Variants in IL1RAPL1 observed in about 807,000 individuals in gnomAD.
IL1RAPL1 encodes the protein interleukin 1 receptor accessory protein like 1.
In IL1RAPL1, 3 loss-of-function variants were observed where a neutral mutation model predicts 48.4. The ratio of observed to expected loss-of-function variants is 0.06; its 90% CI spans 0.03 to 0.16. The LOEUF is 0.16. Among genes scored for constraint, IL1RAPL1 ranks in the 10% least tolerant of loss-of-function variants. The pLI is 1.00. For missense variants in IL1RAPL1, 349 were observed against 530.6 expected (o/e 0.66, Z 3.36); for synonymous variants, 185 against 187.7 (o/e 0.99, Z 0.12).
chrX:29,272,775 G>A (rs1005303785), intron 2 of IL1RAPL1, among the ~76,000 whole-genome samples: 1 of 111,901 alleles, frequency 8.9e-6, no homozygotes, highest in African/African-American at 3.3e-5. Context: ...GGGGATGCCA[G>A]TGAGTCATAG....
chrX:29,917,681 T>C, intron 7 of IL1RAPL1, 85 bp downstream of exon 7: 1 of 789,385 alleles, frequency 1.3e-6, no homozygotes, highest in Non-Finnish European at 1.9e-6. Context: ...AGGATTTTTT[T>C]TTGTTTTACT....
At chrX:29,632,279 G>C (rs936903965) in intron 5 of IL1RAPL1, among the ~76,000 whole-genome samples, 1 of 109,296 alleles carries the variant, frequency 9.1e-6, no homozygotes, top group African/African-American at 3.3e-5. Context: ...CTCCTGAGTA[G>C]CTGGGACTAC....
At chrX:28,800,426 T>C (rs1363565060) in intron 2 of IL1RAPL1, among the ~76,000 whole-genome samples, 1 of 111,589 alleles carries the variant, frequency 9.0e-6, no homozygotes, top group East Asian at 2.8e-4. Context: ...ATTGTCCTCA[T>C]ATTGAGAGCA....
intron 2 of IL1RAPL1, among the ~76,000 whole-genome samples, chrX:29,167,031 T>C (rs1449369902): frequency 8.9e-6 from 1 of 112,053 alleles, no homozygotes; most frequent in African/African-American, 3.2e-5. Flanking sequence ...GCAATAATCA[T>C]AGATATAATG....
At chrX:29,223,276 CAT>C (rs1931017288) in intron 2 of IL1RAPL1, among the ~76,000 whole-genome samples, 1 of 111,748 alleles carries the variant, frequency 8.9e-6, no homozygotes, top group Admixed American at 9.5e-5. Context: ...CACACATACA[CAT>C]ATGTGTGTCT....
chrX:28,830,745 A>G (rs1030437143), intron 2 of IL1RAPL1, among the ~76,000 whole-genome samples: 2 of 110,392 alleles, frequency 1.8e-5, no homozygotes, highest in African/African-American at 6.6e-5. Flanking sequence ...TTTGTTCAAC[A>G]TGGGACACTT....
At chrX:29,302,520 C>T (rs747275701) in intron 3 of IL1RAPL1, among the ~76,000 whole-genome samples, 2 of 111,786 alleles carry the variant, frequency 1.8e-5, no homozygotes, top group East Asian at 5.6e-4. Flanking sequence ...TATATGGCTA[C>T]AGTCATTATA....
Position 29,457,899 on chromosome X carries a change from G to A in IL1RAPL1, c.703+58591G>A, listed in dbSNP as rs780671417. ...TCAAATAGCTGTTCTGACTTGTGTGGATCATATCTTATTGTGGTTTTGATT... is the reference window on the plus strand; with the variant it reads ...TCAAATAGCTGTTCTGACTTGTGTGAATCATATCTTATTGTGGTTTTGATT... On this transcript the variant is annotated intron_variant, in intron 5 of 10. Transcript: ENST00000378993. Among the ~76,000 whole-genome samples, 231 of 111,934 alleles carry A rather than the reference G, an allele frequency of 2.1e-3. 2 individuals carry two copies. Among genetic ancestry groups the A allele is most frequent in the African/African-American group, 7.1e-3 (219 of 30,820 alleles).
At chrX:29,673,551 C>G (rs150296633) in intron 6 of IL1RAPL1, among the ~76,000 whole-genome samples, 17,109 of 111,149 alleles carry the variant, frequency 0.15, 1,472 homozygotes, top group African/African-American at 0.32. Flanking sequence ...CTTTCTACTA[C>G]GAGAAAAACA....
intron 5 of IL1RAPL1, among the ~76,000 whole-genome samples, chrX:29,630,153 C>T (rs750783067): frequency 3.6e-5 from 4 of 111,151 alleles, no homozygotes; most frequent in Non-Finnish European, 5.7e-5. Context: ...CATAGACAGC[C>T]CTCCCTCACA....
intron 5 of IL1RAPL1, among the ~76,000 whole-genome samples, chrX:29,510,077 T>C (rs1381405113): frequency 8.9e-6 from 1 of 112,280 alleles, no homozygotes; most frequent in African/African-American, 3.2e-5. Context: ...TGCATTTAAT[T>C]TGTTGGATTT....
chrX:29,003,084 G>A (rs1017168711), intron 2 of IL1RAPL1, among the ~76,000 whole-genome samples: 2 of 111,274 alleles, frequency 1.8e-5, no homozygotes, highest in African/African-American at 6.5e-5. Context: ...AGGGGGGACA[G>A]GGTAGGTGTT....
intron 2 of IL1RAPL1, among the ~76,000 whole-genome samples, chrX:29,278,261 A>G (rs1039971617): frequency 3.6e-5 from 4 of 112,272 alleles, no homozygotes; most frequent in Non-Finnish European, 7.5e-5. Flanking sequence ...ATTTGAATAT[A>G]TTGATAATAG....
intron 5 of IL1RAPL1, among the ~76,000 whole-genome samples, chrX:29,598,105 G>A (rs1386456410): frequency 9.0e-6 from 1 of 111,663 alleles, no homozygotes; most frequent in Non-Finnish European, 1.9e-5. Context: ...AGTTCCTTGA[G>A]GTGTGACCTT....
At chrX:28,590,528 T>C (rs1933897008) in intron 1 of IL1RAPL1, among the ~76,000 whole-genome samples, 1 of 111,036 alleles carries the variant, frequency 9.0e-6, no homozygotes, top group Non-Finnish European at 1.9e-5. Context: ...TGCACAAACA[T>C]TGATGTATTG....
intron 1 of IL1RAPL1, among the ~76,000 whole-genome samples, chrX:28,652,791 AT>A (rs58460550): frequency 0.11 from 11,233 of 102,587 alleles, 624 homozygotes; most frequent in African/African-American, 0.22. Context: ...CTGTGACGTG[AT>A]TTTTTTTTTT....
chrX:28,701,728 C>T (rs1233203976), intron 1 of IL1RAPL1, among the ~76,000 whole-genome samples: 3 of 111,357 alleles, frequency 2.7e-5, no homozygotes, highest in Admixed American at 9.6e-5. Flanking sequence ...TTCCTCCTTA[C>T]GGCTTTATCT....
intron 2 of IL1RAPL1, among the ~76,000 whole-genome samples, chrX:28,972,575 A>G (rs912394700): frequency 7.3e-5 from 8 of 110,148 alleles, no homozygotes; most frequent in Non-Finnish European, 1.5e-4. Flanking sequence ...CGTCTCCACT[A>G]AAAATACAAA....
intron 8 of IL1RAPL1, among the ~76,000 whole-genome samples, chrX:29,920,814 A>G (rs6628482): frequency 0.065 from 5,954 of 91,076 alleles, 98 homozygotes; most frequent in Non-Finnish European, 0.092. Context: ...AAAAAAAAAA[A>G]AAAAGAAAAG....
Sources: allele counts gnomAD v4.1 joint callset (sites outside exome capture counted in the v4.1 genomes callset), GRCh38; gene constraint gnomAD v4.1.1; transcripts MANE v1.5; gene names NCBI Gene and HGNC (gene_info 2026-07-23, HGNC 2026-07-21).